Variants in NPEPPS observed in about 807,000 individuals in gnomAD.
NPEPPS encodes the protein aminopeptidase puromycin sensitive.
In NPEPPS, 14 loss-of-function variants were observed where a neutral mutation model predicts 115.5. The ratio of observed to expected loss-of-function variants is 0.12; its 90% CI spans 0.08 to 0.19. NPEPPS has a LOEUF of 0.19. Among genes scored for constraint, NPEPPS ranks in the 10% least tolerant of loss-of-function variants. The pLI is 1.00. For missense variants in NPEPPS, 523 were observed against 1,110.8 expected (o/e 0.47, Z 7.52); for synonymous variants, 285 against 390.6 (o/e 0.73, Z 3.19).
At chr17:47,589,560 T>A (rs1912382644) in intron 9 of NPEPPS, among the ~76,000 whole-genome samples, 1 of 152,220 alleles carries the variant, frequency 6.6e-6, no homozygotes, top group African/African-American at 2.4e-5. Flanking sequence ...CCATTGTGCC[T>A]GGCCTGCTTT....
intron 10 of NPEPPS, among the ~76,000 whole-genome samples, chr17:47,591,358 CA>C (rs1316913766): frequency 6.6e-6 from 1 of 151,386 alleles, no homozygotes; most frequent in Non-Finnish European, 1.5e-5. Flanking sequence ...GCAACAAGAG[CA>C]AAAAACTCTG....
chr17:47,615,942 A>C (rs1220554609), intron 19 of NPEPPS, among the ~76,000 whole-genome samples: 2 of 152,210 alleles, frequency 1.3e-5, no homozygotes, highest in African/African-American at 2.4e-5. Flanking sequence ...TATGATGGTA[A>C]TTTAGGAATA....
In NPEPPS at chr17:47,570,373, G is replaced by T. The variant is rs377553834; in HGVS notation, c.418+879G>T. Among the ~76,000 whole-genome samples the T allele has an allele frequency of 3.9e-5, 6 of 152,340 alleles. No homozygotes were observed. In the East Asian group the frequency reaches 5.8e-4, roughly 15 times the overall value. On this transcript the variant is annotated intron_variant, in intron 3 of 22. Coordinates refer to ENST00000322157, the MANE Select transcript of NPEPPS (RefSeq NM_006310.4). The stretch of plus-strand genomic sequence containing the variant: ...GGAAGTGGAGGTTGCAGTGAACCGA[G>T]ATCGTGCCACTGCACTCCAGCCTGG...
rs556287483 is a variant in NPEPPS, at chr17:47,604,217, T to C, written c.1875+168T>C. 19 of 524,062 alleles carry C rather than the reference T, an allele frequency of 3.6e-5. No homozygotes were observed. In the South Asian group the frequency reaches 9.0e-4, roughly 25 times the overall value. 32.5% of individuals were successfully genotyped at this position (524,062 alleles called of 1,614,324 possible). On this transcript the variant is annotated intron_variant, in intron 16 of 22. Transcript: ENST00000322157. ...TTTTAATATGACAAGATTGAGGCTA[T>C]ATAATTTAAATCCCATTTCACTACT...
At chr17:47,576,026 TAATG>T (rs1377600625) in intron 3 of NPEPPS, among the ~76,000 whole-genome samples, 1 of 152,226 alleles carries the variant, frequency 6.6e-6, no homozygotes, top group Middle Eastern at 3.2e-3. Context: ...ATCTATCTGA[TAATG>T]AAGCAAATAC....
intron 17 of NPEPPS, among the ~76,000 whole-genome samples, chr17:47,607,623 G>A (rs1284834273): frequency 1.3e-5 from 2 of 152,194 alleles, no homozygotes; most frequent in Admixed American, 6.5e-5. Flanking sequence ...GAGGAGGCAG[G>A]GAGACCATTC....
At chr17:47,601,580 A>G (rs761147421) in intron 14 of NPEPPS, 28 bp from the exon 15 acceptor site, 10 of 1,612,726 alleles carry the variant, frequency 6.2e-6, no homozygotes, top group Non-Finnish European at 8.5e-6. Flanking sequence ...GTCCCAGTGC[A>G]AAATTTGTTT....
chr17:47,541,593 T>C (rs1182595206), intron 1 of NPEPPS, among the ~76,000 whole-genome samples: 1 of 152,154 alleles, frequency 6.6e-6, no homozygotes, highest in Non-Finnish European at 1.5e-5. Context: ...GCCAGGCTGG[T>C]CTCGAACCCC....
intron 1 of NPEPPS, among the ~76,000 whole-genome samples, chr17:47,525,682 G>T (rs565879777): frequency 6.6e-6 from 1 of 152,274 alleles, no homozygotes; most frequent in Non-Finnish European, 1.5e-5. Context: ...TTTTATAAAA[G>T]AAAGTTGCCT....
chr17:47,595,596 A>C (rs1259300874), intron 12 of NPEPPS, among the ~76,000 whole-genome samples: 1 of 152,138 alleles, frequency 6.6e-6, no homozygotes, highest in Non-Finnish European at 1.5e-5. Context: ...TAATTCCAGC[A>C]CCTTGGGAGG....
upstream of NPEPPS, among the ~76,000 whole-genome samples, chr17:47,527,084 C>T (rs1467668935): frequency 6.6e-6 from 1 of 152,178 alleles, no homozygotes; most frequent in Non-Finnish European, 1.5e-5. Flanking sequence ...AGTGTATGAC[C>T]TTAGGCAAGT....
chr17:47,544,009 C>G (rs1051072702), intron 1 of NPEPPS, among the ~76,000 whole-genome samples: 4 of 152,158 alleles, frequency 2.6e-5, no homozygotes, highest in African/African-American at 9.7e-5. Context: ...ATTCTCCTGC[C>G]TCAGCCTCCC....
Position 47,599,723 on chromosome 17 carries a change from T to C in NPEPPS, c.1584T>C (p.Ala528=). ...GGTTGTCCCAAAAGAAGTTCTGTGC[T>C]GGTGGGTCATATGTTGGTAAGTAAA... ...LLRLSQKKFC[A]GGSYVGEDCP... The change falls in exon 14 of 23, where the codon GCT becomes GCC. Residue 528 remains alanine (A), a synonymous_variant. Transcript: ENST00000322157. 6.4e-7 allele frequency: 1 copy of C among 1,561,796 alleles called. No individual in the cohort carries two copies.
At chr17:47,567,077 C>G (rs1351009626) in intron 2 of NPEPPS, among the ~76,000 whole-genome samples, 2 of 152,006 alleles carry the variant, frequency 1.3e-5, no homozygotes, top group Admixed American at 6.6e-5. Context: ...GAGATCCTGT[C>G]TCAAAAAACA....
intron 17 of NPEPPS, among the ~76,000 whole-genome samples, chr17:47,608,430 G>C (rs550913687): frequency 3.6e-4 from 54 of 149,522 alleles, no homozygotes; most frequent in African/African-American, 1.3e-3. Context: ...CTCCAGCCTG[G>C]GCAACAGAGC....
intron 15 of NPEPPS, chr17:47,602,041 A>T: frequency 3.4e-6 from 1 of 291,482 alleles, no homozygotes; most frequent in South Asian, 3.8e-5. Flanking sequence ...ACACCTTCAA[A>T]CTCCCCTGTC....
intron 3 of NPEPPS, among the ~76,000 whole-genome samples, chr17:47,572,478 TA>T (rs59690898): frequency 6.8e-6 from 1 of 147,742 alleles, no homozygotes; most frequent in Non-Finnish European, 1.5e-5. Flanking sequence ...TAAAGAAAGT[TA>T]AAAAAAAAAC....
chr17:47,550,176 GC>G (rs1228509339), intron 2 of NPEPPS, among the ~76,000 whole-genome samples: 3 of 151,870 alleles, frequency 2.0e-5, no homozygotes, highest in African/African-American at 7.2e-5. Flanking sequence ...CTTGTGATCT[GC>G]CCGCCTTGGC....
chr17:47,584,148 G>A (rs1912047631), intron 5 of NPEPPS, among the ~76,000 whole-genome samples: 1 of 150,874 alleles, frequency 6.6e-6, no homozygotes, highest in Admixed American at 6.7e-5. Context: ...TTGAACCTGG[G>A]AGGTGGAGGC....
Sources: allele counts gnomAD v4.1 joint callset (sites outside exome capture counted in the v4.1 genomes callset), GRCh38; gene constraint gnomAD v4.1.1; transcripts MANE v1.5; gene names NCBI Gene and HGNC (gene_info 2026-07-23, HGNC 2026-07-21).